The following ARHGAP21 variants were observed in gnomAD, a reference collection of about 807,000 sequenced individuals.
ARHGAP21 encodes the protein rho GTPase-activating protein 21.
In ARHGAP21, 38 loss-of-function variants were observed where a neutral mutation model predicts 164.6. The observed-to-expected ratio is 0.23, with a 90% confidence interval of 0.18 to 0.30. The LOEUF is 0.30. Ranked by LOEUF, ARHGAP21 falls within the 10% of genes least tolerant of loss-of-function variation. The probability of loss-of-function intolerance (pLI) is 1.00; values close to 1 mark genes in which losing one functional copy is unlikely to be tolerated. For synonymous variants in ARHGAP21, 766 were observed against 857.9 expected (o/e 0.89, Z 1.87); for missense variants, 1,822 against 2,370.7 (o/e 0.77, Z 4.81).
intron 2 of ARHGAP21, among the ~76,000 whole-genome samples, chr10:24,684,664 G>T (rs972800813): frequency 6.6e-6 from 1 of 151,984 alleles, no homozygotes; most frequent in African/African-American, 2.4e-5. Flanking sequence ...TTTGAGATAG[G>T]ATCTTACTCT....
Position 24,612,583 on chromosome 10 carries a change from G to A in ARHGAP21, c.2423-4680C>T, listed in dbSNP as rs562887276. On this transcript the variant is annotated intron_variant, in intron 9 of 25. Transcript: ENST00000396432. ...TTAAAAATAAATTCAGGCCAGGTGT[G>A]GTGGCTCACGCCTGTAATCCCAGCA... 2.9e-4 allele frequency among the ~76,000 whole-genome samples: 44 copies of A among 152,314 alleles called. 2 individuals are homozygous for A. In the South Asian group the frequency reaches 6.0e-3, roughly 21 times the overall value.
chr10:24,592,860 T>TA (rs1472588743), intron 21 of ARHGAP21, among the ~76,000 whole-genome samples: 1 of 152,180 alleles, frequency 6.6e-6, no homozygotes, highest in Non-Finnish European at 1.5e-5. Flanking sequence ...CACTAATGTG[T>TA]AAACACCCAG....
At chr10:24,587,275 G>C (rs2076144754) in intron 25 of ARHGAP21, among the ~76,000 whole-genome samples, 1 of 152,028 alleles carries the variant, frequency 6.6e-6, no homozygotes, top group Non-Finnish European at 1.5e-5. Flanking sequence ...ATGAGCCACT[G>C]CATCTAGATA....
chr10:24,634,391 T>C (rs930172878), intron 5 of ARHGAP21, among the ~76,000 whole-genome samples: 24 of 152,188 alleles, frequency 1.6e-4, no homozygotes, highest in African/African-American at 5.5e-4. Flanking sequence ...CATTTTAAAT[T>C]GTCTAATGTT....
intron 11 of ARHGAP21, among the ~76,000 whole-genome samples, chr10:24,605,344 T>C (rs1222570180): frequency 6.6e-6 from 1 of 152,170 alleles, no homozygotes; most frequent in Non-Finnish European, 1.5e-5. Flanking sequence ...CCATGGAGTA[T>C]CAGAGGAGAA....
At chr10:24,589,612 A>G in intron 24 of ARHGAP21, 1 of 302,744 alleles carries the variant, frequency 3.3e-6, no homozygotes, top group Non-Finnish European at 6.0e-6. Flanking sequence ...CTAGCAATAA[A>G]GAAGCTTCAG....
At chr10:24,688,387 C>T (rs1338886202) in intron 2 of ARHGAP21, among the ~76,000 whole-genome samples, 2 of 151,168 alleles carry the variant, frequency 1.3e-5, no homozygotes, top group Non-Finnish European at 2.9e-5. Context: ...AGAAAGACTC[C>T]GTCTCAAAAA....
chr10:24,596,366 A>G, intron 17 of ARHGAP21: 1 of 443,686 alleles, frequency 2.3e-6, no homozygotes, highest in East Asian at 3.8e-5. Context: ...GAGTAATATC[A>G]ATTCATGATA....
At chr10:24,689,736 CTT>C (rs1277063563) in intron 2 of ARHGAP21, among the ~76,000 whole-genome samples, 1 of 151,294 alleles carries the variant, frequency 6.6e-6, no homozygotes, top group African/African-American at 2.4e-5. Context: ...GTCAAGGTCT[CTT>C]GTCTCAAAAA....
rs12572005 is a variant in ARHGAP21, at chr10:24,652,024, G to A, written c.268+14961C>T. ...GAACAAAGGTTGGCAAACTTTTTCTGTAAAGAGCCAGACAGTAAATATTTT... is the reference window on the plus strand; with the variant it reads ...GAACAAAGGTTGGCAAACTTTTTCTATAAAGAGCCAGACAGTAAATATTTT... On this transcript the variant is annotated intron_variant, in intron 4 of 25. Transcript: ENST00000396432. 1.5e-3 allele frequency among the ~76,000 whole-genome samples: 230 copies of A among 152,320 alleles called. 5 individuals are homozygous for A. The East Asian group carries it at 0.038, about 25-fold the overall frequency.
In ARHGAP21 at chr10:24,590,638, A is replaced by C; in HGVS notation, c.4150+587T>G. ...GAGAAAGTTTTCATCAAAAGAGCCT[A>C]GAAGAACTAATACTTAACCAAGCAT... On this transcript the variant is annotated intron_variant, in intron 24 of 25. Transcript: ENST00000396432. 2.9e-6 allele frequency: 4 copies of C among 1,399,236 alleles called. No homozygotes were observed. The South Asian group carries it at 7.0e-5, about 25-fold the overall frequency. The allele number at this position is 1,399,236 out of a possible 1,614,324, so 86.7% of individuals were successfully genotyped here.
chr10:24,614,082 T>C (rs930626523), intron 9 of ARHGAP21, among the ~76,000 whole-genome samples: 3 of 152,210 alleles, frequency 2.0e-5, no homozygotes, highest in Non-Finnish European at 2.9e-5. Flanking sequence ...AAATATCAGC[T>C]CACCAATTTC....
chr10:24,652,991 C>T (rs999516842), intron 4 of ARHGAP21, among the ~76,000 whole-genome samples: 5 of 152,226 alleles, frequency 3.3e-5, no homozygotes, highest in South Asian at 4.1e-4. Flanking sequence ...TTTGAAGTAG[C>T]TAAACACTGA....
Position 24,656,251 on chromosome 10 carries a change from G to A in ARHGAP21, c.268+10734C>T, listed in dbSNP as rs1402520571. 7.1e-4 allele frequency among the ~76,000 whole-genome samples: 91 copies of A among 129,038 alleles called. 1 individual carries two copies. Among genetic ancestry groups the A allele is most frequent in the African/African-American group, 2.5e-3 (78 of 31,066 alleles). 84.7% of individuals were successfully genotyped at this position (129,038 alleles called of 152,430 possible). On this transcript the variant is annotated intron_variant, in intron 4 of 25. Coordinates refer to ENST00000396432, the MANE Select transcript of ARHGAP21 (RefSeq NM_020824.4). ...CCCCGCCCGGCCAGCCGCCCCGTCC[G>A]GGAGGTGAGAGGCACCTCTGCCCGG...
At chr10:24,681,997 T>C (rs1841810308) in intron 2 of ARHGAP21, among the ~76,000 whole-genome samples, 1 of 152,148 alleles carries the variant, frequency 6.6e-6, no homozygotes, top group African/African-American at 2.4e-5. Context: ...CTGTGCCTTG[T>C]CTTTAACATG....
At chr10:24,642,514 CAAAAAAA>C (rs57154901) in intron 4 of ARHGAP21, among the ~76,000 whole-genome samples, 56 of 47,926 alleles carry the variant, frequency 1.2e-3, no homozygotes, top group African/African-American at 3.9e-3. Flanking sequence ...GACTCCGTCT[CAAAAAAA>C]AAAAAAAAAA....
intron 7 of ARHGAP21, among the ~76,000 whole-genome samples, chr10:24,626,925 T>A (rs2131273839): frequency 6.6e-6 from 1 of 152,300 alleles, no homozygotes; most frequent in East Asian, 1.9e-4. Flanking sequence ...AGGACTCCTA[T>A]TACTAGCACT....
intron 21 of ARHGAP21, among the ~76,000 whole-genome samples, chr10:24,593,078 C>T (rs2076407904): frequency 6.6e-6 from 1 of 152,018 alleles, no homozygotes; most frequent in South Asian, 2.1e-4. Context: ...CTAATAACAT[C>T]CCAGGGGGGT....
At chr10:24,601,127 C>T (rs1320025834) in intron 13 of ARHGAP21, among the ~76,000 whole-genome samples, 197 bp from the exon 14 acceptor site, 1 of 152,110 alleles carries the variant, frequency 6.6e-6, no homozygotes, top group African/African-American at 2.4e-5. Context: ...GCAGTGTATT[C>T]ATATCAAAGT....
Sources: gnomAD v4.1 joint callset for allele counts (sites outside exome capture counted in the v4.1 genomes callset) on GRCh38, gnomAD v4.1.1 for gene constraint, MANE v1.5 for transcripts, NCBI Gene and HGNC (gene_info 2026-07-23, HGNC 2026-07-21) for gene names.